TIMD4: variants seen among roughly 807,000 people sequenced by gnomAD.
TIMD4 encodes T cell immunoglobulin and mucin domain containing 4.
Under a neutral mutation model 41.2 loss-of-function variants are expected in TIMD4, and 31 were observed. That is an observed-to-expected ratio of 0.75 (90% CI 0.57 to 1.01). The LOEUF (loss-of-function observed/expected upper bound fraction) is 1.01. TIMD4 is among the 50% of genes least tolerant of loss of function. TIMD4 has a pLI of 0.00. For missense variants in TIMD4, 479 were observed against 472.5 expected, an observed-to-expected ratio of 1.01 and a Z score of -0.13; for synonymous variants, 204 against 177.1, an observed-to-expected ratio of 1.15 and a Z score of -1.21.
intron 5 of TIMD4, among the ~76,000 whole-genome samples, chr5:156,946,628 C>G (rs562582478): frequency 5.3e-5 from 8 of 152,012 alleles, no homozygotes; most frequent in South Asian, 2.1e-4. Context: ...GGGCGCCCGC[C>G]ACCACGTCCA....
chr5:156,950,404 T>TA (rs913293735), intron 3 of TIMD4, among the ~76,000 whole-genome samples: 5 of 152,110 alleles, frequency 3.3e-5, no homozygotes, highest in Admixed American at 6.6e-5. Flanking sequence ...CCCAAAGGAA[T>TA]AAAAAAATAC....
At chr5:156,939,775 G>C (rs73293072) in intron 5 of TIMD4, among the ~76,000 whole-genome samples, 4 of 152,012 alleles carry the variant, frequency 2.6e-5, no homozygotes, top group Non-Finnish European at 5.9e-5. Context: ...CTGTTACTCC[G>C]TCCCCTCTCT....
intron 5 of TIMD4, among the ~76,000 whole-genome samples, chr5:156,931,073 AG>A (rs1176938798): frequency 2.0e-5 from 3 of 152,218 alleles, no homozygotes. Context: ...TCACAGAGAG[AG>A]AGAGATATTT....
intron 5 of TIMD4, among the ~76,000 whole-genome samples, chr5:156,931,655 T>C (rs1298257502): frequency 6.6e-6 from 1 of 152,212 alleles, no homozygotes; most frequent in Non-Finnish European, 1.5e-5. Flanking sequence ...GCTTTCTAGC[T>C]TGTATTTTGG....
intron 4 of TIMD4, among the ~76,000 whole-genome samples, chr5:156,948,884 T>C (rs1433716985): frequency 1.3e-5 from 2 of 152,272 alleles, no homozygotes; most frequent in African/African-American, 2.4e-5. Flanking sequence ...TTACTTACCT[T>C]ACAGATGTCT....
intron 5 of TIMD4, among the ~76,000 whole-genome samples, chr5:156,941,975 A>C (rs1759658879): frequency 6.6e-6 from 1 of 152,230 alleles, no homozygotes; most frequent in Non-Finnish European, 1.5e-5. Flanking sequence ...AGATACAGTA[A>C]TAGAAAAAAA....
intron 1 of TIMD4, among the ~76,000 whole-genome samples, chr5:156,958,892 A>C (rs1201069860): frequency 1.3e-5 from 2 of 152,168 alleles, no homozygotes; most frequent in African/African-American, 4.8e-5. Flanking sequence ...TGACAGGAAG[A>C]CTCCAAGCCA....
intron 5 of TIMD4, among the ~76,000 whole-genome samples, chr5:156,937,561 G>A (rs550661040): frequency 1.8e-4 from 28 of 152,256 alleles, no homozygotes; most frequent in African/African-American, 6.5e-4. Context: ...GACCTATCTC[G>A]GGGCTGGCTT....
Position 156,963,172 on chromosome 5 carries a change from C to A in TIMD4, c.27G>T (p.Trp9Cys), listed in dbSNP as rs565293773. The change falls in exon 1 of 9, where the codon TGG becomes TGT. Residue 9 changes from tryptophan to cysteine, a missense_variant. Physicochemically the swap from Trp to Cys is radical, Grantham distance 215 (BLOSUM62 -2). Transcript: ENST00000274532. MSKEPLILWLMIEFWWLYL... is the reference protein window; with the variant it reads MSKEPLILCLMIEFWWLYL... ...AAAGCCACCAAAACTCAATCATCAG[C>A]CAGAGAATGAGAGGTTCTTTGGACA... 6.2e-7 allele frequency: 1 copy of A among 1,614,170 alleles called. No homozygotes were observed. Among genetic ancestry groups the A allele is most frequent in the Non-Finnish European group, 8.5e-7 (1 of 1,179,990 alleles).
chr5:156,921,055 G>C (rs368898602), intron 7 of TIMD4, among the ~76,000 whole-genome samples: 1 of 146,400 alleles, frequency 6.8e-6, no homozygotes, highest in Non-Finnish European at 1.5e-5. Context: ...CAGGTGCCAC[G>C]TGCCTATAAT....
At chr5:156,932,870 G>A (rs1347720476) in intron 5 of TIMD4, among the ~76,000 whole-genome samples, 1 of 152,070 alleles carries the variant, frequency 6.6e-6, no homozygotes, top group Non-Finnish European at 1.5e-5. Flanking sequence ...CAGGCGTGGT[G>A]GTGGGTGCCT....
intron 6 of TIMD4, 30 bp downstream of exon 6, chr5:156,926,233 T>C: frequency 1.9e-6 from 3 of 1,611,040 alleles, no homozygotes; most frequent in Non-Finnish European, 2.5e-6. Context: ...ATTTAAGTGA[T>C]ATACTGCAAA....
rs529012189 is a variant in TIMD4 at position 156,930,901 on chromosome 5, A to C, written c.845-4589T>G. On this transcript the variant is annotated intron_variant, in intron 5 of 8. Coordinates refer to ENST00000274532, the MANE Select transcript of TIMD4 (RefSeq NM_138379.3). ...AGAAACTGTGAATATGTTCTCTTCC[A>C]TGGCAAAAGATATTTTGCAATGTCA... is the stretch of plus-strand genomic sequence containing the variant. 1.9e-4 allele frequency among the ~76,000 whole-genome samples: 29 copies of C among 152,352 alleles called. No homozygotes were observed. In the South Asian group the frequency reaches 6.0e-3, roughly 32 times the overall value.
chr5:156,955,674 A>G (rs1759958483), intron 1 of TIMD4, among the ~76,000 whole-genome samples: 3 of 152,084 alleles, frequency 2.0e-5, no homozygotes, highest in Non-Finnish European at 2.9e-5. Context: ...AAAAGCTTCA[A>G]ATGGGTCTCC....
intron 1 of TIMD4, among the ~76,000 whole-genome samples, chr5:156,962,409 A>T (rs183388552): frequency 2.8e-4 from 2 of 7,198 alleles, no homozygotes; most frequent in Non-Finnish European, 1.1e-3. Flanking sequence ...GTATCCATTT[A>T]AAAAAAAAAT....
chr5:156,919,646 G>T, intron 8 of TIMD4, 105 bp from the exon 9 acceptor site: 4 of 846,238 alleles, frequency 4.7e-6, no homozygotes, highest in Non-Finnish European at 7.5e-6. Flanking sequence ...AGTTCAAAGG[G>T]CTCACAGTTC....
chr5:156,928,077 G>T (rs1759380559), intron 5 of TIMD4, among the ~76,000 whole-genome samples: 1 of 152,094 alleles, frequency 6.6e-6, no homozygotes, highest in Admixed American at 6.5e-5. Flanking sequence ...AGGCCGAGGT[G>T]GGCAGATCAA....
In TIMD4 at chr5:156,958,305, G is replaced by GAAGGAAAGGAAAGGA. The variant is rs66575156; in HGVS notation, c.59-3564_59-3550dup. 9.0e-3 allele frequency among the ~76,000 whole-genome samples: 754 copies of GAAGGAAAGGAAAGGA among 83,408 alleles called. 21 individuals are homozygous for GAAGGAAAGGAAAGGA. Among genetic ancestry groups the GAAGGAAAGGAAAGGA allele is most frequent in the Middle Eastern group, 0.013 (2 of 158 alleles). 54.7% of individuals were successfully genotyped at this position (83,408 alleles called of 152,430 possible). A position where few individuals can be genotyped will look rare whatever the true frequency, so the allele number is the denominator to read the frequency against. ...TGAAAGAAAGAGAGAAAGAAAGAAA[G>GAAGGAAAGGAAAGGA]AAGGAAAGGAAAGGAAAGGAAAGGA... On this transcript the variant is annotated intron_variant, in intron 1 of 8. Coordinates refer to ENST00000274532, the MANE Select transcript of TIMD4 (RefSeq NM_138379.3).
intron 5 of TIMD4, among the ~76,000 whole-genome samples, chr5:156,933,006 A>AAAAAGAAAAGAAAAG (rs10628617): frequency 0.026 from 3,965 of 150,074 alleles, 112 homozygotes; most frequent in African/African-American, 0.068. Context: ...TCTGTCTCAA[A>AAAAAGAAAAGAAAAG]AAAAGAAAAG....
Sources: allele counts gnomAD v4.1 joint callset (sites outside exome capture counted in the v4.1 genomes callset), GRCh38; gene constraint gnomAD v4.1.1; transcripts MANE v1.5; gene names NCBI Gene and HGNC (gene_info 2026-07-23, HGNC 2026-07-21).